Variants in SAR1A observed in about 807,000 individuals in gnomAD.
The protein encoded by SAR1A is secretion associated Ras related GTPase 1A, also known as small COPII coat GTPase SAR1A.
A neutral mutation model predicts 22.6 loss-of-function variants in SAR1A; 6 were observed. The observed-to-expected ratio is 0.27, with a 90% CI of 0.15 to 0.52. The LOEUF is 0.52. SAR1A is among the 20% of genes least tolerant of loss of function. The probability of loss-of-function intolerance (pLI) is 0.96; values close to 1 mark genes in which losing one functional copy is unlikely to be tolerated. For synonymous variants in SAR1A, 70 were observed against 82.2 expected (o/e 0.85, Z 0.80); for missense variants, 145 against 245.1 (o/e 0.59, Z 2.73).
intron 1 of SAR1A, 72 bp from the exon 2 acceptor site, chr10:70,162,003 G>A (rs1839473599): frequency 5.4e-6 from 6 of 1,108,290 alleles, no homozygotes; most frequent in South Asian, 2.6e-5. Context: ...GTTAACTCTT[G>A]TTCCCTAGCC....
chr10:70,155,158 A>C (rs1234615045), intron 5 of SAR1A: 2 of 504,384 alleles, frequency 4.0e-6, no homozygotes, highest in African/African-American at 3.9e-5. Flanking sequence ...TTAGTGAATA[A>C]AATCTTATTT....
intron 1 of SAR1A, chr10:70,166,864 G>A (rs10159731): frequency 0.36 from 54,596 of 150,454 alleles, 10,489 homozygotes; most frequent in Non-Finnish European, 0.4. Flanking sequence ...GTCAGGCATG[G>A]TGGCACGTGC....
Position 70,152,335 on chromosome 10 carries a change from G to C in SAR1A, c.*141C>G, listed in dbSNP as rs1839335906. 4 of 896,938 alleles carry C rather than the reference G, an allele frequency of 4.5e-6. No homozygotes were observed. Among genetic ancestry groups the C allele is most frequent in the Non-Finnish European group, 7.1e-6 (4 of 563,898 alleles). 55.6% of individuals were successfully genotyped at this position (896,938 alleles called of 1,614,324 possible). A position where few individuals can be genotyped will look rare whatever the true frequency, so the allele number is the denominator to read the frequency against. ...AGCACATGTCACCACTGGGCAATGA[G>C]AGAGTTGACAGAGACTCTTGGCTTC... On this transcript the variant is annotated 3_prime_UTR_variant, in exon 7 of 7. Coordinates refer to ENST00000373241, the MANE Select transcript of SAR1A (RefSeq NM_020150.5).
At chr10:70,169,844 T>C (rs896575189) in intron 1 of SAR1A, among the ~76,000 whole-genome samples, 8 of 152,088 alleles carry the variant, frequency 5.3e-5, no homozygotes, top group Admixed American at 6.5e-5. Flanking sequence ...TAAGGAAATT[T>C]TTCCATGCAG....
At chr10:70,152,629 CTCTG>C (rs1564568616) in intron 6 of SAR1A, 37 bp from the exon 7 acceptor site, 1 of 1,321,672 alleles carries the variant, frequency 7.6e-7, no homozygotes, top group Admixed American at 1.7e-5. Context: ...CTGTTAGCAT[CTCTG>C]TGGTGGAAAA....
chr10:70,147,929 AG>A lies in SAR1A; in HGVS notation c.*4546del. The A allele has an allele frequency of 6.6e-6, 1 of 152,174 alleles. No individual in the cohort carries two copies. The highest frequency in any genetic ancestry group is 1.9e-4 in the East Asian group (1 of 5,202). The allele number at this position is 152,174 out of a possible 1,614,324, so 9.4% of individuals were successfully genotyped here. On this transcript the variant is annotated 3_prime_UTR_variant, in exon 7 of 7. Transcript: ENST00000373241. The stretch of plus-strand genomic sequence containing the variant: ...AGTCTCGCTCTGTCGCCCAGGCTGG[AG>A]TGCAATGGTGCGATCTCCGCTCACT...
rs1379969810 is a variant in SAR1A at position 70,152,565 on chromosome 10, C to G, written c.508G>C (p.Ala170Pro). 1 of 1,614,082 alleles carries G rather than the reference C, an allele frequency of 6.2e-7. No homozygotes were observed. Among genetic ancestry groups the G allele is most frequent in the South Asian group, 1.1e-5 (1 of 91,064 alleles). The change falls in exon 7 of 7, where the codon GCT becomes CCT. Residue 170 changes from alanine (A) to proline (P), a missense_variant. Transcript: ENST00000373241. The part of the protein sequence containing the change: ...KGNVTLKELN[A>P]RPMEVFMCSV... The stretch of plus-strand genomic sequence containing the variant: ...CACATGAACACTTCCATGGGGCGAG[C>G]ATTCAGCTCCTTCAGGGTCACATTC...
rs963000025 is a variant in SAR1A at position 70,150,879 on chromosome 10, A to C, written c.*1597T>G. On this transcript the variant is annotated 3_prime_UTR_variant, in exon 7 of 7. Coordinates refer to ENST00000373241, the MANE Select transcript of SAR1A (RefSeq NM_020150.5). ...AAGTCAGTACTGGAGAATAAGAATG[A>C]GAACTCCAACTAAAGAACAATGCCT... is the stretch of plus-strand genomic sequence containing the variant. 1 of 152,498 alleles carries C rather than the reference A, an allele frequency of 6.6e-6. No homozygotes were observed. The highest frequency in any genetic ancestry group is 2.4e-5 in the African/African-American group (1 of 41,442). 9.4% of individuals were successfully genotyped at this position (152,498 alleles called of 1,614,324 possible). A position where few individuals can be genotyped will look rare whatever the true frequency, so the allele number is the denominator to read the frequency against.
chr10:70,160,956 CA>C (rs748243861), intron 4 of SAR1A, 47 bp downstream of exon 4: 117 of 1,386,852 alleles, frequency 8.4e-5, no homozygotes, highest in South Asian at 1.5e-4. Flanking sequence ...CTGGGAGGCA[CA>C]AAAAAAATAA....
chr10:70,169,967 T>G (rs1359716072), intron 1 of SAR1A, among the ~76,000 whole-genome samples: 1 of 152,116 alleles, frequency 6.6e-6, no homozygotes, highest in Non-Finnish European at 1.5e-5. Context: ...TAGGGGCCTG[T>G]AGACCAGGTT....
intron 3 of SAR1A, 126 bp from the exon 4 acceptor site, chr10:70,161,195 G>A: frequency 1.4e-6 from 1 of 691,776 alleles, no homozygotes; most frequent in Admixed American, 2.9e-5. Context: ...GAGTGTGGTG[G>A]TACCCGCCTG....
Position 70,164,142 on chromosome 10 carries a change from G to A in SAR1A, c.-16-2211C>T, listed in dbSNP as rs183868552. 834 of 698,354 alleles carry A rather than the reference G, an allele frequency of 1.2e-3. 4 individuals are homozygous for A. The African/African-American group carries it at 0.013, about 11-fold the overall frequency. 43.3% of individuals were successfully genotyped at this position (698,354 alleles called of 1,614,324 possible). A position where few individuals can be genotyped will look rare whatever the true frequency, so the allele number is the denominator to read the frequency against. On this transcript the variant is annotated intron_variant, in intron 1 of 6. Coordinates refer to ENST00000373241, the MANE Select transcript of SAR1A (RefSeq NM_020150.5). ...GACAGCATAATGAAGACCTTGTACAGAATGTGTTAAATTTCTTGCACAAAA... is the reference window on the plus strand; with the variant it reads ...GACAGCATAATGAAGACCTTGTACAAAATGTGTTAAATTTCTTGCACAAAA...
chr10:70,158,568 T>C (rs1839424518), intron 4 of SAR1A, among the ~76,000 whole-genome samples: 1 of 152,198 alleles, frequency 6.6e-6, no homozygotes, highest in Non-Finnish European at 1.5e-5. Context: ...TTCTAAGCCA[T>C]TAATTTCTAG....
At chr10:70,169,992 C>T (rs1839604552) in intron 1 of SAR1A, among the ~76,000 whole-genome samples, 1 of 152,174 alleles carries the variant, frequency 6.6e-6, no homozygotes, top group African/African-American at 2.4e-5. Context: ...CGCTCACACT[C>T]GCTAACTGCG....
intron 3 of SAR1A, 198 bp from the exon 4 acceptor site, chr10:70,161,267 C>T: frequency 1.8e-6 from 1 of 557,200 alleles, no homozygotes; most frequent in Admixed American, 3.5e-5. Context: ...ATTTTTGAGA[C>T]CAGCCCAGGC....
At chr10:70,161,537 A>G in intron 3 of SAR1A, 82 bp downstream of exon 3, 1 of 1,524,600 alleles carries the variant, frequency 6.6e-7, no homozygotes, top group African/African-American at 1.4e-5. Flanking sequence ...TAATAAAAGA[A>G]CTCCACCAAC....
At chr10:70,152,668 C>T in intron 6 of SAR1A, 76 bp from the exon 7 acceptor site, 1 of 1,021,312 alleles carries the variant, frequency 9.8e-7, no homozygotes, top group Non-Finnish European at 1.5e-6. Flanking sequence ...TCATTACAAT[C>T]ATTTTATCCA....
chr10:70,160,767 C>T (rs1839458673), intron 4 of SAR1A, among the ~76,000 whole-genome samples: 1 of 151,890 alleles, frequency 6.6e-6, no homozygotes, highest in Non-Finnish European at 1.5e-5. Flanking sequence ...TAACTTTATC[C>T]CAGCTCAATA....
chr10:70,151,099 T>C lies in SAR1A; in HGVS notation c.*1377A>G, dbSNP rs1447471613. ...GTGGCACTAGGAAAATGGAATGCTA[T>C]AAAATTAATCCCCATCACCCAAGTA... On this transcript the variant is annotated 3_prime_UTR_variant, in exon 7 of 7. Transcript: ENST00000373241. 3 of 152,042 alleles carry C rather than the reference T, an allele frequency of 2.0e-5. No homozygotes were observed. The highest frequency in any genetic ancestry group is 3.9e-4 in the East Asian group (2 of 5,190). The allele number at this position is 152,042 out of a possible 1,614,324, so 9.4% of individuals were successfully genotyped here. A position where few individuals can be genotyped will look rare whatever the true frequency, so the allele number is the denominator to read the frequency against.
Sources: allele counts gnomAD v4.1 joint callset (sites outside exome capture counted in the v4.1 genomes callset), GRCh38; gene constraint gnomAD v4.1.1; transcripts MANE v1.5; gene names NCBI Gene and HGNC (gene_info 2026-07-23, HGNC 2026-07-21).